Variants in SLC16A10 observed in about 807,000 individuals in gnomAD.
The protein encoded by SLC16A10 is monocarboxylate transporter 10.
Under a neutral mutation model 40.0 loss-of-function variants are expected in SLC16A10, and 27 were observed. That is an observed-to-expected ratio of 0.67 (90% CI 0.50 to 0.93). The LOEUF is 0.93. SLC16A10 is among the 40% of genes least tolerant of loss of function. SLC16A10 has a pLI of 0.00. For synonymous variants in SLC16A10, 213 were observed against 249.8 expected (o/e 0.85, Z 1.39); for missense variants, 529 against 658.2 (o/e 0.80, Z 2.15).
intron 1 of SLC16A10, among the ~76,000 whole-genome samples, chr6:111,149,775 C>T (rs563740834): frequency 9.9e-5 from 15 of 152,282 alleles, no homozygotes; most frequent in Admixed American, 9.2e-4. Context: ...CTACAGACTT[C>T]CTTATGGAAG....
intron 1 of SLC16A10, among the ~76,000 whole-genome samples, chr6:111,105,397 A>G (rs1050411150): frequency 6.6e-6 from 1 of 152,218 alleles, no homozygotes; most frequent in Non-Finnish European, 1.5e-5. Flanking sequence ...CTACTATAAT[A>G]CTATTATAGA....
At chr6:111,173,421 T>C (rs1239535637) in intron 2 of SLC16A10, 1 of 152,366 alleles carries the variant, frequency 6.6e-6, no homozygotes, top group Non-Finnish European at 1.5e-5. Flanking sequence ...TCAATGTACT[T>C]CTCCTGTATC....
At chr6:111,136,844 G>A (rs973973378) in intron 1 of SLC16A10, among the ~76,000 whole-genome samples, 10 of 152,180 alleles carry the variant, frequency 6.6e-5, no homozygotes, top group Non-Finnish European at 1.3e-4. Context: ...CCTCACTCAG[G>A]CACTAGAATT....
At chr6:111,133,814 A>T (rs1258200194) in intron 1 of SLC16A10, among the ~76,000 whole-genome samples, 1 of 152,148 alleles carries the variant, frequency 6.6e-6, no homozygotes, top group Admixed American at 6.5e-5. Flanking sequence ...GAGTGCCAAT[A>T]TTCCCTGGTT....
intron 4 of SLC16A10, among the ~76,000 whole-genome samples, chr6:111,207,237 G>T (rs1028634582): frequency 1.3e-5 from 2 of 152,162 alleles, no homozygotes; most frequent in East Asian, 1.9e-4. Flanking sequence ...TTGTTTTGTC[G>T]TGGAACTCCA....
intron 1 of SLC16A10, among the ~76,000 whole-genome samples, chr6:111,124,970 G>A (rs1179244054): frequency 6.6e-6 from 1 of 152,152 alleles, no homozygotes; most frequent in East Asian, 1.9e-4. Flanking sequence ...GAATCATTAA[G>A]TGCTGATGAC....
Position 111,087,838 on chromosome 6 carries a change from C to T in SLC16A10, c.86C>T (p.Pro29Leu), listed in dbSNP as rs2114415508. ...PLGPAPTGAA[P>L]PPGPGPSDSP... The stretch of plus-strand genomic sequence containing the variant: ...GGCCCCGCGCCCACGGGGGCCGCTC[C>T]GCCGCCCGGCCCGGGACCCTCGGAC... Residue 29 changes from proline (P) to leucine (L), a missense_variant, in exon 1 of 6, where the codon CCG becomes CTG. Physicochemically the swap from Pro to Leu is moderately conservative, Grantham distance 98. Transcript: ENST00000368851. The T allele has an allele frequency of 1.5e-6, 2 of 1,363,650 alleles. No homozygotes were observed. Among genetic ancestry groups the T allele is most frequent in the South Asian group, 2.0e-5 (1 of 49,462 alleles). 84.5% of individuals were successfully genotyped at this position (1,363,650 alleles called of 1,614,324 possible).
chr6:111,168,790 CT>C (rs36064237), intron 1 of SLC16A10, among the ~76,000 whole-genome samples: 1 of 152,120 alleles, frequency 6.6e-6, no homozygotes. Flanking sequence ...TTTTATGTGG[CT>C]TTTTAAAGTA....
Position 111,087,623 on chromosome 6 carries a change from C to T in SLC16A10, c.-130C>T. ...CGCCTGCGCGCTGCCAGCCCGCCCG[C>T]CCGCCAGGGGCTCCGCCGCCCTCGC... On this transcript the variant is annotated 5_prime_UTR_variant, in exon 1 of 6. Transcript: ENST00000368851. 1 of 460,396 alleles carries T rather than the reference C, an allele frequency of 2.2e-6. No homozygotes were observed. Among genetic ancestry groups the T allele is most frequent in the Non-Finnish European group, 3.3e-6 (1 of 307,582 alleles). The allele number at this position is 460,396 out of a possible 1,614,324, so 28.5% of individuals were successfully genotyped here. A position where few individuals can be genotyped will look rare whatever the true frequency, so the allele number is the denominator to read the frequency against.
At chr6:111,203,387 G>C (rs190863296) in intron 3 of SLC16A10, among the ~76,000 whole-genome samples, 2 of 152,284 alleles carry the variant, frequency 1.3e-5, no homozygotes, top group East Asian at 3.9e-4. Context: ...ATTAGAAGCT[G>C]AAGTTCTTGC....
chr6:111,152,463 T>C (rs950304212), intron 1 of SLC16A10, among the ~76,000 whole-genome samples: 3 of 152,268 alleles, frequency 2.0e-5, no homozygotes, highest in Non-Finnish European at 4.4e-5. Flanking sequence ...CTTTCAAATA[T>C]TAATCCTTAG....
intron 1 of SLC16A10, among the ~76,000 whole-genome samples, chr6:111,125,368 A>G (rs1310950751): frequency 6.6e-6 from 1 of 152,166 alleles, no homozygotes; most frequent in Non-Finnish European, 1.5e-5. Context: ...ATGGGCGTGG[A>G]GTGGTTATCA....
At chr6:111,137,234 C>G (rs1196455266) in intron 1 of SLC16A10, among the ~76,000 whole-genome samples, 2 of 152,226 alleles carry the variant, frequency 1.3e-5, no homozygotes, top group African/African-American at 4.8e-5. Context: ...GACGTAGTTT[C>G]CTCCTCAGGA....
intron 1 of SLC16A10, among the ~76,000 whole-genome samples, chr6:111,112,005 T>C (rs983204129): frequency 6.6e-6 from 1 of 152,106 alleles, no homozygotes; most frequent in Non-Finnish European, 1.5e-5. Context: ...TGTATATAGG[T>C]ATGTATAGAT....
intron 3 of SLC16A10, among the ~76,000 whole-genome samples, chr6:111,181,963 G>T (rs1182476146): frequency 2.0e-5 from 3 of 151,670 alleles, no homozygotes; most frequent in Non-Finnish European, 4.4e-5. Context: ...TTGTTTTCTG[G>T]AATCTTTTTT....
chr6:111,167,238 T>C (rs1772492050), intron 1 of SLC16A10, among the ~76,000 whole-genome samples: 3 of 152,228 alleles, frequency 2.0e-5, no homozygotes, highest in Non-Finnish European at 4.4e-5. Context: ...TGTATTTATT[T>C]CAAAACTAGC....
chr6:111,221,901 A>AG (rs1206719983), intron 5 of SLC16A10, 102 bp from the exon 6 acceptor site: 2 of 1,114,332 alleles, frequency 1.8e-6, no homozygotes, highest in Non-Finnish European at 2.5e-6. Context: ...AAAAAAAAAA[A>AG]AAGTCTGATG....
rs1734499362 is a variant in SLC16A10 at position 111,222,670 on chromosome 6, T to G, written c.*435T>G. On this transcript the variant is annotated 3_prime_UTR_variant, in exon 6 of 6. Coordinates refer to ENST00000368851, the MANE Select transcript of SLC16A10 (RefSeq NM_018593.5). ...TACTTTCTTATGCTCTTTGGAAACT[T>G]TTTGCAAAATTTAAGCCTGGGTTCT... is the stretch of plus-strand genomic sequence containing the variant. 1 of 161,842 alleles carries G rather than the reference T, an allele frequency of 6.2e-6. No individual in the cohort carries two copies. The highest frequency in any genetic ancestry group is 2.4e-5 in the African/African-American group (1 of 41,510). 10.0% of individuals were successfully genotyped at this position (161,842 alleles called of 1,614,324 possible). A position where few individuals can be genotyped will look rare whatever the true frequency, so the allele number is the denominator to read the frequency against.
chr6:111,087,948 G>T lies in SLC16A10; in HGVS notation c.196G>T (p.Glu66Ter). 6.2e-7 allele frequency: 1 copy of T among 1,610,352 alleles called. No individual in the cohort carries two copies. Among genetic ancestry groups the T allele is most frequent in the African/African-American group, 1.3e-5 (1 of 74,900 alleles). Reference protein sequence around the residue: ...AEPHEPPEPPEGGWGWLVMLA... With the variant: ...AEPHEPPEPP Reference sequence around the variant, plus strand: ...GCCCCATGAGCCCCCCGAACCCCCCGAGGGCGGCTGGGGCTGGCTGGTGAT... The same window carrying T: ...GCCCCATGAGCCCCCCGAACCCCCCTAGGGCGGCTGGGGCTGGCTGGTGAT... The change falls in exon 1 of 6, where the codon GAG becomes TAG. Residue 66 changes from glutamate (E) to a stop codon, truncating the protein, a stop_gained. Coordinates refer to ENST00000368851, the MANE Select transcript of SLC16A10 (RefSeq NM_018593.5). LOFTEE classifies it high-confidence loss of function.
Sources: gnomAD v4.1 joint callset for allele counts (sites outside exome capture counted in the v4.1 genomes callset) on GRCh38, gnomAD v4.1.1 for gene constraint, MANE v1.5 for transcripts, NCBI Gene and HGNC (gene_info 2026-07-23, HGNC 2026-07-21) for gene names.